TAFA4: variants seen among roughly 807,000 people sequenced by gnomAD.
TAFA4 encodes chemokine-like protein TAFA-4.
In TAFA4, 20 loss-of-function variants were observed where a neutral mutation model predicts 21.1. The observed-to-expected ratio is 0.95, with a 90% CI of 0.67 to 1.38. The LOEUF (loss-of-function observed/expected upper bound fraction) is 1.38, where lower values mean the gene tolerates loss of function less well. TAFA4 is among the 40% of genes most tolerant of loss of function. TAFA4 has a pLI of 0.00. For synonymous variants in TAFA4, 71 were observed against 67.4 expected (o/e 1.05, Z -0.26); for missense variants, 211 against 180.9 (o/e 1.17, Z -0.95).
At chr3:68,803,743 A>C (rs2106831339) in intron 3 of TAFA4, among the ~76,000 whole-genome samples, 2 of 146,770 alleles carry the variant, frequency 1.4e-5, no homozygotes, top group Middle Eastern at 3.5e-3. Context: ...CTACCAAATA[A>C]GATTTCTGCC....
At chr3:68,840,542 T>G (rs1704637005) in intron 3 of TAFA4, among the ~76,000 whole-genome samples, 2 of 152,174 alleles carry the variant, frequency 1.3e-5, no homozygotes, top group Non-Finnish European at 2.9e-5. Flanking sequence ...GAAAAATCAT[T>G]TTTAAGTAGT....
chr3:68,845,789 G>A (rs1000374626), intron 3 of TAFA4, among the ~76,000 whole-genome samples: 1 of 152,136 alleles, frequency 6.6e-6, no homozygotes, highest in Admixed American at 6.5e-5. Context: ...GCTTAGTTTG[G>A]CTGGATGTGA....
chr3:68,749,577 G>T (rs1302015582), intron 4 of TAFA4, among the ~76,000 whole-genome samples: 1 of 152,194 alleles, frequency 6.6e-6, no homozygotes, highest in African/African-American at 2.4e-5. Flanking sequence ...AGATCAAAGA[G>T]AGATGAAATC....
chr3:68,890,613 G>C (rs2089720390), intron 1 of TAFA4, among the ~76,000 whole-genome samples: 1 of 152,168 alleles, frequency 6.6e-6, no homozygotes, highest in Non-Finnish European at 1.5e-5. Flanking sequence ...TCACGATATG[G>C]CATAGGTAGA....
At chr3:68,753,043 C>G in intron 3 of TAFA4, 25 bp from the exon 4 acceptor site, 1 of 1,607,264 alleles carries the variant, frequency 6.2e-7, no homozygotes, top group Non-Finnish European at 8.5e-7. Context: ...GGGAGAAAAA[C>G]AAACCCAGTG....
intron 3 of TAFA4, among the ~76,000 whole-genome samples, chr3:68,815,895 C>G (rs939636650): frequency 1.5e-4 from 23 of 152,176 alleles, no homozygotes; most frequent in Admixed American, 1.0e-3. Context: ...ATTCACAATA[C>G]CAAAGACTTC....
chr3:68,772,545 G>T (rs1702977648), intron 3 of TAFA4, among the ~76,000 whole-genome samples: 1 of 152,196 alleles, frequency 6.6e-6, no homozygotes, highest in Non-Finnish European at 1.5e-5. Flanking sequence ...AGGCTCTCTG[G>T]TCTTTGGACT....
intron 3 of TAFA4, among the ~76,000 whole-genome samples, chr3:68,797,893 A>G (rs77271560): frequency 0.086 from 13,016 of 152,226 alleles, 675 homozygotes; most frequent in African/African-American, 0.14. Flanking sequence ...CAGCGATGTG[A>G]GTATACATAA....
At chr3:68,904,229 A>T (rs2089874461) in intron 1 of TAFA4, among the ~76,000 whole-genome samples, 1 of 152,202 alleles carries the variant, frequency 6.6e-6, no homozygotes, top group East Asian at 1.9e-4. Context: ...AGCACCTCTG[A>T]AAGTTAGCCC....
At chr3:68,785,782 CG>C (rs1559520545) in intron 3 of TAFA4, among the ~76,000 whole-genome samples, 52 of 149,866 alleles carry the variant, frequency 3.5e-4, no homozygotes, top group African/African-American at 1.3e-3. Context: ...GAGGAGGTGC[CG>C]AGAGTGAGCG....
At chr3:68,893,171 A>G (rs965013073) in intron 1 of TAFA4, among the ~76,000 whole-genome samples, 2 of 152,242 alleles carry the variant, frequency 1.3e-5, no homozygotes, top group Non-Finnish European at 2.9e-5. Context: ...TTTATTTAAC[A>G]TAATCAATAG....
intron 3 of TAFA4, among the ~76,000 whole-genome samples, chr3:68,813,245 T>C (rs953886093): frequency 2.0e-5 from 3 of 151,994 alleles, no homozygotes; most frequent in African/African-American, 4.8e-5. Context: ...ATTGACACCC[T>C]AACATCACAA....
rs1279575502 is a variant in TAFA4 at position 68,731,838 on chromosome 3, T to C, written c.*1304A>G. On this transcript the variant is annotated 3_prime_UTR_variant, in exon 6 of 6. Transcript: ENST00000295569. The stretch of plus-strand genomic sequence containing the variant: ...AATATTCAAAAATTACGCCAACAAA[T>C]CTTTCCATTCCTTTCCATTCCCTCT... 6.6e-6 allele frequency: 1 copy of C among 151,792 alleles called. No homozygotes were observed. The highest frequency in any genetic ancestry group is 1.5e-5 in the Non-Finnish European group (1 of 67,952). The allele number at this position is 151,792 out of a possible 1,614,324, so 9.4% of individuals were successfully genotyped here.
chr3:68,766,444 CAG>C (rs1360839242), intron 3 of TAFA4, among the ~76,000 whole-genome samples: 4 of 151,904 alleles, frequency 2.6e-5, no homozygotes, highest in African/African-American at 4.8e-5. Flanking sequence ...TGATACTTCT[CAG>C]AGAGACATAT....
At chr3:68,827,073 CCT>C (rs1473338819) in intron 3 of TAFA4, among the ~76,000 whole-genome samples, 2 of 113,602 alleles carry the variant, frequency 1.8e-5, no homozygotes, top group East Asian at 6.1e-4. Flanking sequence ...GTGTAATGTT[CCT>C]CTCTCTGTGT....
At chr3:68,923,308 A>G (rs1216266937) in intron 1 of TAFA4, among the ~76,000 whole-genome samples, 1 of 152,194 alleles carries the variant, frequency 6.6e-6, no homozygotes, top group Admixed American at 6.5e-5. Flanking sequence ...TCAATTGTTA[A>G]TTCTATAAAG....
At chr3:68,859,266 G>A (rs926304568) in intron 3 of TAFA4, among the ~76,000 whole-genome samples, 3 of 152,132 alleles carry the variant, frequency 2.0e-5, no homozygotes, top group African/African-American at 7.2e-5. Context: ...GAAAAATTAT[G>A]TATCACTGAC....
chr3:68,914,541 A>G (rs1400599529), intron 1 of TAFA4, among the ~76,000 whole-genome samples: 1 of 150,972 alleles, frequency 6.6e-6, no homozygotes, highest in Non-Finnish European at 1.5e-5. Context: ...TTAGTAACTA[A>G]GAGTTTTAAA....
intron 3 of TAFA4, among the ~76,000 whole-genome samples, chr3:68,792,541 T>A (rs1575610432): frequency 6.6e-6 from 1 of 152,296 alleles, no homozygotes; most frequent in East Asian, 1.9e-4. Flanking sequence ...AACATTAGGA[T>A]AGTATTCTTT....
Sources: allele counts gnomAD v4.1 joint callset (sites outside exome capture counted in the v4.1 genomes callset), GRCh38; gene constraint gnomAD v4.1.1; transcripts MANE v1.5; gene names NCBI Gene and HGNC (gene_info 2026-07-23, HGNC 2026-07-21).